NELL2: variants seen among roughly 807,000 people sequenced by gnomAD.
NELL2 encodes the protein protein kinase C-binding protein NELL2.
Under a neutral mutation model 109.6 loss-of-function variants are expected in NELL2, and 41 were observed. The observed-to-expected ratio is 0.37, with a 90% CI of 0.29 to 0.49. NELL2 has a LOEUF of 0.49. Among genes scored for constraint, NELL2 ranks in the 20% least tolerant of loss-of-function variants. The pLI, the probability that NELL2 is intolerant of heterozygous loss-of-function variation, is 0.98. For missense variants in NELL2, 900 were observed against 1,008.3 expected, an observed-to-expected ratio of 0.89 and a Z score of 1.45; for synonymous variants, 355 against 344.7, an observed-to-expected ratio of 1.03 and a Z score of -0.33.
chr12:44,627,215 G>A (rs181612681), intron 13 of NELL2, among the ~76,000 whole-genome samples: 1 of 152,242 alleles, frequency 6.6e-6, no homozygotes, highest in East Asian at 1.9e-4. Context: ...ATTTGAGGCA[G>A]TATTTTGCTA....
chr12:44,513,152 G>A (rs1941076725), intron 19 of NELL2, among the ~76,000 whole-genome samples: 1 of 151,868 alleles, frequency 6.6e-6, no homozygotes, highest in Non-Finnish European at 1.5e-5. Context: ...GCCTAAAAGG[G>A]CCATGATTAG....
upstream of NELL2, among the ~76,000 whole-genome samples, chr12:44,880,347 T>C (rs1304834284): frequency 1.3e-5 from 2 of 151,986 alleles, no homozygotes; most frequent in African/African-American, 4.8e-5. Flanking sequence ...GCAATAAAAG[T>C]ATGTTTAAAA....
intron 2 of NELL2, among the ~76,000 whole-genome samples, chr12:44,849,912 G>A (rs1055133082): frequency 3.3e-5 from 5 of 152,106 alleles, no homozygotes; most frequent in East Asian, 3.9e-4. Context: ...GATTCCATTT[G>A]TATAAAATCC....
intron 9 of NELL2, among the ~76,000 whole-genome samples, chr12:44,757,882 G>A (rs536034133): frequency 2.0e-5 from 3 of 152,212 alleles, no homozygotes; most frequent in Admixed American, 6.5e-5. Context: ...GGAGTATGAT[G>A]TAATTAAGTA....
rs375674190 is a variant in NELL2, at chr12:44,649,273, C to G, written c.1444+16211G>C. Among the ~76,000 whole-genome samples, 171 of 149,780 alleles carry G rather than the reference C, an allele frequency of 1.1e-3. 1 individual carries two copies. The highest frequency in any genetic ancestry group is 3.8e-3 in the African/African-American group (156 of 40,986). On this transcript the variant is annotated intron_variant, in intron 13 of 19. Transcript: ENST00000429094. ...CCTGCCTGCCTTGGTAATCCAGCGTCTGAACCACCTCTCTGTTTTGGAAAC... is the reference window on the plus strand; with the variant it reads ...CCTGCCTGCCTTGGTAATCCAGCGTGTGAACCACCTCTCTGTTTTGGAAAC...
intron 2 of NELL2, among the ~76,000 whole-genome samples, chr12:44,847,093 T>C (rs1944394200): frequency 6.6e-6 from 1 of 152,196 alleles, no homozygotes; most frequent in South Asian, 2.1e-4. Flanking sequence ...TAACATTCTA[T>C]GCTTCCAGTA....
intron 9 of NELL2, among the ~76,000 whole-genome samples, chr12:44,751,822 A>C (rs1179081118): frequency 6.6e-6 from 1 of 152,184 alleles, no homozygotes; most frequent in East Asian, 1.9e-4. Context: ...AAGCTATTCT[A>C]AGCTTTAGTT....
At chr12:44,796,552 G>A (rs887151032) in intron 3 of NELL2, among the ~76,000 whole-genome samples, 3 of 151,926 alleles carry the variant, frequency 2.0e-5, no homozygotes, top group African/African-American at 7.3e-5. Flanking sequence ...CTGAGAATCT[G>A]TCAATAAACA....
chr12:44,880,390 G>A (rs1255424609), upstream of NELL2, among the ~76,000 whole-genome samples: 3 of 151,876 alleles, frequency 2.0e-5, no homozygotes, highest in South Asian at 4.1e-4. Context: ...CTAATAAGCA[G>A]CAATAAAACA....
chr12:44,909,479 T>A lies in NELL2; in HGVS notation c.38+4320A>T, dbSNP rs193225217. Among the ~76,000 whole-genome samples, 284 of 151,920 alleles carry A rather than the reference T, an allele frequency of 1.9e-3. 4 individuals carry two copies. Among genetic ancestry groups the A allele is most frequent in the Admixed American group, 0.017 (262 of 15,210 alleles). ...AATATATGACATGCTCATGGACTAT[T>A]GGAAGAACCACAATCATTAAAATAC... On this transcript the variant is annotated intron_variant, in intron 1 of 20. Transcript: ENST00000333837.
At position 44,513,651 on chromosome 12, in the gene NELL2, C is replaced by T. The variant is rs766366306; in HGVS notation, c.2401-4667G>A. Among the ~76,000 whole-genome samples, 73 of 151,664 alleles carry T rather than the reference C, an allele frequency of 4.8e-4. 1 individual carries two copies. The highest frequency in any genetic ancestry group is 9.0e-4 in the Non-Finnish European group (61 of 67,812). ...AAATGAAAAGATTCACTGGATGAAC[C>T]TAATAGCAGATTAGAGATGGCAGAA... On this transcript the variant is annotated intron_variant, in intron 19 of 19. Transcript: ENST00000429094.
chr12:44,656,945 C>G lies in NELL2; in HGVS notation c.1444+8539G>C, dbSNP rs578164868. ...AGAATAAAAACAATAACATTGCTGC[C>G]TTTTCAACATATCGTTTCTTTAAAT... On this transcript the variant is annotated intron_variant, in intron 13 of 19. Coordinates refer to ENST00000429094, the MANE Select transcript of NELL2 (RefSeq NM_001145108.2). 2.0e-5 allele frequency among the ~76,000 whole-genome samples: 3 copies of G among 152,282 alleles called. No individual in the cohort carries two copies. In the East Asian group the frequency reaches 5.8e-4, roughly 29 times the overall value.
chr12:44,591,424 A>T (rs1944742816), intron 15 of NELL2, among the ~76,000 whole-genome samples: 1 of 152,178 alleles, frequency 6.6e-6, no homozygotes, highest in Non-Finnish European at 1.5e-5. Context: ...GTATATATAC[A>T]TGATGGAATA....
chr12:44,671,949 G>A (rs1021057701), intron 12 of NELL2, among the ~76,000 whole-genome samples: 5 of 152,150 alleles, frequency 3.3e-5, no homozygotes, highest in Non-Finnish European at 7.4e-5. Flanking sequence ...GGATGAAAGA[G>A]CCAATTATAA....
At position 44,863,947 on chromosome 12, in the gene NELL2, G is replaced by C. The variant is rs1944914874; in HGVS notation, c.184+11278C>G. On this transcript the variant is annotated intron_variant, in intron 2 of 19. Coordinates refer to ENST00000429094, the MANE Select transcript of NELL2 (RefSeq NM_001145108.2). ...GCAGGGAGTTGGCTGTAAATGTGTA[G>C]AGTTTTTCTTATGAGATCAAAGTTA... Among the ~76,000 whole-genome samples, 4 of 152,134 alleles carry C rather than the reference G, an allele frequency of 2.6e-5. No individual in the cohort carries two copies. The South Asian group carries it at 8.3e-4, about 31-fold the overall frequency.
upstream of NELL2, among the ~76,000 whole-genome samples, chr12:44,877,458 T>C (rs1945359078): frequency 6.6e-6 from 1 of 152,242 alleles, no homozygotes; most frequent in South Asian, 2.1e-4. Context: ...ACCATTATGG[T>C]ATTAATCTGT....
At chr12:44,718,940 A>AC (rs1381497190) in intron 9 of NELL2, among the ~76,000 whole-genome samples, 1 of 152,188 alleles carries the variant, frequency 6.6e-6, no homozygotes, top group East Asian at 1.9e-4. Flanking sequence ...TGCACAGTCT[A>AC]TTCAGTTATA....
At chr12:44,880,871 T>G (rs1489008605), upstream of NELL2, 1 of 151,916 alleles carries the variant, frequency 6.6e-6, no homozygotes, top group African/African-American at 2.4e-5. Flanking sequence ...TTGTTGTTTT[T>G]GGCTAGTCAA....
Position 44,632,995 on chromosome 12 carries a change from G to A in NELL2, c.1445-22025C>T, listed in dbSNP as rs74383117. 2.0e-5 allele frequency among the ~76,000 whole-genome samples: 3 copies of A among 151,942 alleles called. No homozygotes were observed. The East Asian group carries it at 5.8e-4, about 29-fold the overall frequency. ...ATGTATGGAAAAAAAACCAAAATAG[G>A]GAGAATAGAAAATAGGAAAAGAAAG... On this transcript the variant is annotated intron_variant, in intron 13 of 19. Coordinates refer to ENST00000429094, the MANE Select transcript of NELL2 (RefSeq NM_001145108.2).
Sources: gnomAD v4.1 joint callset for allele counts (sites outside exome capture counted in the v4.1 genomes callset) on GRCh38, gnomAD v4.1.1 for gene constraint, MANE v1.5 for transcripts, NCBI Gene and HGNC (gene_info 2026-07-23, HGNC 2026-07-21) for gene names.